Variants in RMDN2 observed in about 807,000 individuals in gnomAD.
The protein encoded by RMDN2 is regulator of microtubule dynamics protein 2.
RMDN2 carries 61 observed loss-of-function variants against 52.8 expected under a neutral mutation model. The observed-to-expected ratio is 1.16, with a 90% CI of 0.94 to 1.43. The LOEUF (loss-of-function observed/expected upper bound fraction) is 1.43. Ranked by LOEUF, RMDN2 falls within the 40% of genes most tolerant of loss-of-function variation. The pLI, the probability that RMDN2 is intolerant of heterozygous loss-of-function variation, is 0.00. For missense variants in RMDN2, 592 were observed against 475.3 expected, an observed-to-expected ratio of 1.25 and a Z score of -2.28; for synonymous variants, 180 against 153.1, an observed-to-expected ratio of 1.18 and a Z score of -1.30.
intron 2 of RMDN2, among the ~76,000 whole-genome samples, chr2:37,955,388 G>GT (rs1411958512): frequency 5.3e-5 from 8 of 152,188 alleles, no homozygotes; most frequent in African/African-American, 1.9e-4. Context: ...TTTGTTGAGT[G>GT]TTTTTATCAT....
intron 10 of RMDN2, chr2:38,039,303 T>C (rs980063569): frequency 6.6e-6 from 1 of 152,086 alleles, no homozygotes; most frequent in African/African-American, 2.4e-5. Flanking sequence ...GAAATGGGAT[T>C]CTAACTCACA....
At chr2:38,021,693 C>A (rs936103268), downstream of RMDN2, among the ~76,000 whole-genome samples, 3 of 152,208 alleles carry the variant, frequency 2.0e-5, no homozygotes, top group Non-Finnish European at 4.4e-5. Context: ...GAGTGTGCAA[C>A]GTACATCCCT....
upstream of RMDN2, chr2:37,923,089 G>C (rs1390068719): frequency 6.6e-6 from 1 of 152,168 alleles, no homozygotes; most frequent in African/African-American, 2.4e-5. Context: ...ATTCCTTTTA[G>C]ACTGACATTC....
At chr2:38,004,981 GAAT>G (rs1676873805) in intron 10 of RMDN2, among the ~76,000 whole-genome samples, 1 of 152,034 alleles carries the variant, frequency 6.6e-6, no homozygotes, top group African/African-American at 2.4e-5. Flanking sequence ...AGTTTGCTGA[GAAT>G]GATGGTTTCC....
At chr2:38,066,945 G>T in intron 10 of RMDN2, 1 of 1,612,294 alleles carries the variant, frequency 6.2e-7, no homozygotes, top group Non-Finnish European at 8.5e-7. Flanking sequence ...GCCATTTTGT[G>T]CAATTTTTAC....
chr2:37,981,836 A>C (rs4670803), intron 5 of RMDN2, among the ~76,000 whole-genome samples: 42,516 of 151,882 alleles, frequency 0.28, 6,490 homozygotes, highest in East Asian at 0.62. Context: ...GCAAAAAAAA[A>C]ATCATTCTTA....
intron 10 of RMDN2, among the ~76,000 whole-genome samples, chr2:38,039,031 T>C (rs906816671): frequency 6.8e-6 from 1 of 147,826 alleles, no homozygotes; most frequent in African/African-American, 2.5e-5. Context: ...AGCAACAGTT[T>C]AAAAGCCAGA....
chr2:38,017,397 C>T lies in RMDN2; in HGVS notation c.*158C>T, dbSNP rs1345401087. 9 of 1,357,030 alleles carry T rather than the reference C, an allele frequency of 6.6e-6. No homozygotes were observed. In the South Asian group the frequency reaches 1.5e-4, roughly 22 times the overall value. The allele number at this position is 1,357,030 out of a possible 1,614,324, so 84.1% of individuals were successfully genotyped here. A position where few individuals can be genotyped will look rare whatever the true frequency, so the allele number is the denominator to read the frequency against. On this transcript the variant is annotated 3_prime_UTR_variant, in exon 11 of 11. Transcript: ENST00000354545. ...TGCAGAATGCATTCCACTAGTAGCA[C>T]TACAAAATTAATTATGTTATTTGGA...
intron 2 of RMDN2, chr2:37,951,362 C>G: frequency 1.2e-6 from 2 of 1,613,194 alleles, no homozygotes; most frequent in Non-Finnish European, 1.7e-6. Context: ...CATCTTATTC[C>G]CCTGTAACAC....
At position 37,975,316 on chromosome 2, in the gene RMDN2, T is replaced by C. The variant is rs1301859556; in HGVS notation, c.730+2T>C. ...AAAAGAAACATTATGCTAATATTGG[T>C]AAGCATTTTGTAAAGATTATTCTCA... On this transcript the variant is annotated splice_donor_variant, in intron 4 of 10. Transcript: ENST00000354545. LOFTEE classifies it high-confidence loss of function. 6.6e-6 allele frequency: 10 copies of C among 1,511,840 alleles called. No homozygotes were observed. Among genetic ancestry groups the C allele is most frequent in the Non-Finnish European group, 9.2e-6 (10 of 1,088,372 alleles). The allele number at this position is 1,511,840 out of a possible 1,614,324, so 93.7% of individuals were successfully genotyped here.
intron 10 of RMDN2, among the ~76,000 whole-genome samples, chr2:38,062,819 C>T (rs558209766): frequency 7.8e-6 from 1 of 127,650 alleles, no homozygotes; most frequent in South Asian, 2.9e-4. Flanking sequence ...TTCCTGTGTG[C>T]ATGTGTTCTC....
At position 38,025,532 on chromosome 2, in the gene RMDN2, G is replaced by A. The variant is rs144828961; in HGVS notation, c.1713+21316G>A. The stretch of plus-strand genomic sequence containing the variant: ...CACCATGGAATAGAAGAGGGCAAGC[G>A]TTCTTATTTTAATTTCTGATCTGAG... On this transcript the variant is annotated intron_variant, in intron 10 of 10. Coordinates refer to the RMDN2 transcript ENST00000234195. Among the ~76,000 whole-genome samples the A allele has an allele frequency of 9.2e-5, 14 of 152,120 alleles. No individual in the cohort carries two copies. The East Asian group carries it at 1.3e-3, about 15-fold the overall frequency.
chr2:37,978,633 C>G (rs775063234), intron 4 of RMDN2, among the ~76,000 whole-genome samples: 2 of 152,176 alleles, frequency 1.3e-5, no homozygotes, highest in Non-Finnish European at 2.9e-5. Context: ...CGAGACCAGC[C>G]TGGGCAACAT....
intron 10 of RMDN2, among the ~76,000 whole-genome samples, chr2:38,042,405 A>ACACACACACACACACACAC (rs539610057): frequency 7.3e-5 from 9 of 122,578 alleles, no homozygotes; most frequent in Admixed American, 2.4e-4. Context: ...TCCCCCCGCC[A>ACACACACACACACACACAC]CACACACACA....
At chr2:37,978,834 G>A (rs779853889) in intron 4 of RMDN2, among the ~76,000 whole-genome samples, 8 of 149,038 alleles carry the variant, frequency 5.4e-5, no homozygotes, top group Non-Finnish European at 1.0e-4. Flanking sequence ...CTGTTTGCGA[G>A]CATATGTAGC....
At chr2:38,035,448 A>G (rs983349580) in intron 10 of RMDN2, among the ~76,000 whole-genome samples, 1 of 152,198 alleles carries the variant, frequency 6.6e-6, no homozygotes, top group African/African-American at 2.4e-5. Context: ...TGAGGTTCAA[A>G]TGGAAAATCA....
chr2:37,989,524 G>A lies in RMDN2; in HGVS notation c.792-17G>A. 1 of 1,595,088 alleles carries A rather than the reference G, an allele frequency of 6.3e-7. No individual in the cohort carries two copies. Among genetic ancestry groups the A allele is most frequent in the Non-Finnish European group, 8.6e-7 (1 of 1,169,094 alleles). ...TACACAGTGGCCACTGTTTTTGTCT[G>A]TTTTTGTCCTTTTCAGGTATGCAGT... On this transcript the variant is annotated splice_polypyrimidine_tract_variant and intron_variant, in intron 5 of 10. Transcript: ENST00000354545.
intron 5 of RMDN2, 92 bp from the exon 6 acceptor site, chr2:37,989,449 C>A (rs2125128821): frequency 1.3e-6 from 1 of 785,606 alleles, no homozygotes; most frequent in South Asian, 1.6e-5. Flanking sequence ...TGAATGAATG[C>A]TTTAGAGTTT....
At chr2:37,949,093 C>G (rs1190557616) in intron 2 of RMDN2, among the ~76,000 whole-genome samples, 1 of 152,126 alleles carries the variant, frequency 6.6e-6, no homozygotes. Flanking sequence ...CTTAGTGCGG[C>G]TTAGGAACAA....
Sources: gnomAD v4.1 joint callset for allele counts (sites outside exome capture counted in the v4.1 genomes callset) on GRCh38, gnomAD v4.1.1 for gene constraint, MANE v1.5 for transcripts, NCBI Gene and HGNC (gene_info 2026-07-23, HGNC 2026-07-21) for gene names.